TAF1B: variants seen among roughly 807,000 people sequenced by gnomAD.
TAF1B encodes the protein TATA box-binding protein-associated factor RNA polymerase I subunit B.
Under a neutral mutation model 83.9 loss-of-function variants are expected in TAF1B, and 61 were observed. The observed-to-expected ratio is 0.73, with a 90% confidence interval of 0.59 to 0.90. The LOEUF (loss-of-function observed/expected upper bound fraction) is 0.90. Ranked by LOEUF, TAF1B falls within the 40% of genes least tolerant of loss-of-function variation. The pLI, the probability that TAF1B is intolerant of heterozygous loss-of-function variation, is 0.00. For missense variants in TAF1B, 625 were observed against 677.0 expected (o/e 0.92, Z 0.85); for synonymous variants, 221 against 224.6 (o/e 0.98, Z 0.14).
In TAF1B at chr2:9,929,142, TTTGTTGTTGTTGTTG is replaced by T. The variant is rs70948857; in HGVS notation, c.1566-4623_1566-4609del. 4.0e-5 allele frequency among the ~76,000 whole-genome samples: 6 copies of T among 151,030 alleles called. No individual in the cohort carries two copies. The South Asian group carries it at 1.1e-3, about 27-fold the overall frequency. On this transcript the variant is annotated intron_variant, in intron 14 of 14. Transcript: ENST00000263663. ...TCAGGTGGTTTTGTCATTGGTTCTG[TTTGTTGTTGTTGTTG>T]TTGTTGTTGTTGTTGTTTAGAGACG...
intron 2 of TAF1B, among the ~76,000 whole-genome samples, chr2:9,847,784 T>C (rs181146520): frequency 3.9e-5 from 6 of 152,336 alleles, no homozygotes; most frequent in African/African-American, 9.6e-5. Flanking sequence ...GCAATGCATG[T>C]TTACTATAGA....
At chr2:9,902,320 T>C (rs400362) in intron 8 of TAF1B, among the ~76,000 whole-genome samples, 141,674 of 151,714 alleles carry the variant, frequency 0.93, 66,929 homozygotes, top group East Asian at 1. Flanking sequence ...TGAATTTTCA[T>C]AACCTGAACA....
chr2:9,878,048 C>G (rs1051408054), intron 7 of TAF1B, among the ~76,000 whole-genome samples: 1 of 152,126 alleles, frequency 6.6e-6, no homozygotes, highest in East Asian at 1.9e-4. Context: ...AGAAAGAGCT[C>G]TAAGTCATAA....
At chr2:9,905,855 A>T (rs1344935637) in intron 9 of TAF1B, among the ~76,000 whole-genome samples, 1 of 152,134 alleles carries the variant, frequency 6.6e-6, no homozygotes, top group Admixed American at 6.5e-5. Flanking sequence ...GTATTGTCAT[A>T]ATTTAAAAAT....
intron 8 of TAF1B, among the ~76,000 whole-genome samples, chr2:9,893,549 C>T (rs1448141432): frequency 2.0e-5 from 3 of 152,096 alleles, no homozygotes; most frequent in East Asian, 1.9e-4. Flanking sequence ...TCAGGCTAGA[C>T]GTGGTGGCTC....
intron 9 of TAF1B, among the ~76,000 whole-genome samples, chr2:9,909,388 A>T (rs1665451282): frequency 6.6e-6 from 1 of 152,236 alleles, no homozygotes; most frequent in Non-Finnish European, 1.5e-5. Flanking sequence ...TGGTATAACC[A>T]AGTTCTCTAA....
At chr2:9,853,761 G>A (rs762372917) in intron 4 of TAF1B, among the ~76,000 whole-genome samples, 23 of 152,002 alleles carry the variant, frequency 1.5e-4, no homozygotes, top group African/African-American at 2.7e-4. Flanking sequence ...GTGCCCAGCC[G>A]GAAAAGTTTT....
intron 1 of TAF1B, among the ~76,000 whole-genome samples, chr2:9,844,861 G>A (rs557749751): frequency 2.6e-5 from 4 of 152,226 alleles, no homozygotes; most frequent in South Asian, 2.1e-4. Flanking sequence ...TGTCCTGGAG[G>A]AGTTCCAAAT....
At chr2:9,868,761 ATGT>A in intron 6 of TAF1B, 1 of 491,626 alleles carries the variant, frequency 2.0e-6, no homozygotes, top group Non-Finnish European at 4.1e-6. Context: ...TAGCAGAAAA[ATGT>A]TATTATGTAG....
chr2:9,888,950 T>C (rs554992631), intron 8 of TAF1B, among the ~76,000 whole-genome samples: 18 of 149,226 alleles, frequency 1.2e-4, no homozygotes, highest in African/African-American at 4.4e-4. Flanking sequence ...ATTACAGACA[T>C]GCGCCACCAC....
At chr2:9,898,721 T>C (rs1327836903) in intron 8 of TAF1B, among the ~76,000 whole-genome samples, 1 of 152,234 alleles carries the variant, frequency 6.6e-6, no homozygotes, top group African/African-American at 2.4e-5. Flanking sequence ...TTAATAATTA[T>C]AGTTTAATAA....
chr2:9,884,191 C>T (rs1205982069), intron 8 of TAF1B, among the ~76,000 whole-genome samples: 1 of 152,194 alleles, frequency 6.6e-6, no homozygotes, highest in African/African-American at 2.4e-5. Flanking sequence ...GCGCTGCAAG[C>T]AGTTTCCGCA....
chr2:9,873,109 GA>G (rs1350468117), intron 6 of TAF1B, among the ~76,000 whole-genome samples: 2 of 152,186 alleles, frequency 1.3e-5, no homozygotes, highest in Non-Finnish European at 1.5e-5. Flanking sequence ...TCACTGGGAT[GA>G]AATCTTCAAA....
Position 9,854,355 on chromosome 2 carries a change from C to G in TAF1B, c.333C>G (p.Arg111=). Reference sequence around the variant, plus strand: ...ATGTTTTACATAATTTTTGGAAGCGCTACCTTCAGAAGAGCAAGCAGGCAT... The same window carrying G: ...ATGTTTTACATAATTTTTGGAAGCGGTACCTTCAGAAGAGCAAGCAGGCAT... ...KNDVLHNFWK[R]YLQKSKQAYC... The change falls in exon 5 of 15, where the codon CGC becomes CGG. Residue 111 remains arginine, a synonymous_variant. Coordinates refer to ENST00000263663, the MANE Select transcript of TAF1B (RefSeq NM_005680.3). 6.2e-7 allele frequency: 1 copy of G among 1,614,094 alleles called. No homozygotes were observed. Among genetic ancestry groups the G allele is most frequent in the Non-Finnish European group, 8.5e-7 (1 of 1,179,966 alleles).
chr2:9,865,598 A>G (rs958596364), intron 5 of TAF1B, among the ~76,000 whole-genome samples: 11 of 152,152 alleles, frequency 7.2e-5, no homozygotes, highest in African/African-American at 2.4e-4. Context: ...TAAAGTTCAC[A>G]TGGAACCAAA....
intron 8 of TAF1B, among the ~76,000 whole-genome samples, chr2:9,892,766 T>TGG (rs1332990569): frequency 2.0e-5 from 3 of 152,204 alleles, no homozygotes; most frequent in Non-Finnish European, 4.4e-5. Flanking sequence ...TTGATTTTTT[T>TGG]TGGATATTAT....
At chr2:9,864,275 G>A (rs542219856) in intron 5 of TAF1B, among the ~76,000 whole-genome samples, 26 of 141,832 alleles carry the variant, frequency 1.8e-4, no homozygotes, top group African/African-American at 5.4e-4. Flanking sequence ...TATCACCACC[G>A]ATCCCACAGC....
intron 8 of TAF1B, among the ~76,000 whole-genome samples, chr2:9,897,778 A>T (rs1665060455): frequency 6.6e-6 from 1 of 152,042 alleles, no homozygotes; most frequent in Non-Finnish European, 1.5e-5. Flanking sequence ...TCACCTTCTT[A>T]CTCTGTAGGC....
chr2:9,913,341 A>G lies in TAF1B; in HGVS notation c.1271+92A>G, dbSNP rs753143637. ...GCTGAAGCTTCATCAGTATACACTTATCTACATTGTGACTTTTTTTTCTGG... is the reference window on the plus strand; with the variant it reads ...GCTGAAGCTTCATCAGTATACACTTGTCTACATTGTGACTTTTTTTTCTGG... On this transcript the variant is annotated intron_variant, in intron 12 of 14. Coordinates refer to ENST00000263663, the MANE Select transcript of TAF1B (RefSeq NM_005680.3). 64 of 980,502 alleles carry G rather than the reference A, an allele frequency of 6.5e-5. No homozygotes were observed. In the African/African-American group the frequency reaches 9.4e-4, roughly 14 times the overall value. The allele number at this position is 980,502 out of a possible 1,614,324, so 60.7% of individuals were successfully genotyped here. A position where few individuals can be genotyped will look rare whatever the true frequency, so the allele number is the denominator to read the frequency against.
Sources: gnomAD v4.1 joint callset for allele counts (sites outside exome capture counted in the v4.1 genomes callset) on GRCh38, gnomAD v4.1.1 for gene constraint, MANE v1.5 for transcripts, NCBI Gene and HGNC (gene_info 2026-07-23, HGNC 2026-07-21) for gene names.